Variants in PARP8 observed in about 807,000 individuals in gnomAD.
PARP8 encodes the protein protein mono-ADP-ribosyltransferase PARP8.
In PARP8, 51 loss-of-function variants were observed where a neutral mutation model predicts 124.1. The ratio of observed to expected loss-of-function variants is 0.41; its 90% CI spans 0.33 to 0.52. The LOEUF is 0.52. Ranked by LOEUF, PARP8 falls within the 20% of genes least tolerant of loss-of-function variation. PARP8 has a pLI of 0.21. For synonymous variants in PARP8, 391 were observed against 361.5 expected (o/e 1.08, Z -0.93); for missense variants, 860 against 1,018.9 (o/e 0.84, Z 2.12).
chr5:50,766,760 G>T (rs1761095123), intron 7 of PARP8, among the ~76,000 whole-genome samples: 1 of 152,072 alleles, frequency 6.6e-6, no homozygotes, highest in African/African-American at 2.4e-5. Context: ...GGCCTTTTGA[G>T]GGTAACGTTT....
intron 2 of PARP8, among the ~76,000 whole-genome samples, chr5:50,693,069 A>G (rs1483617184): frequency 6.6e-6 from 1 of 152,226 alleles, no homozygotes; most frequent in African/African-American, 2.4e-5. Flanking sequence ...TAAAATGATT[A>G]CCAAACTAAA....
At position 50,666,991 on chromosome 5, in the gene PARP8, G is replaced by C. The variant is rs1192319304; in HGVS notation, c.-105G>C. On this transcript the variant is annotated 5_prime_UTR_variant, in exon 1 of 26. Coordinates refer to ENST00000281631, the MANE Select transcript of PARP8 (RefSeq NM_024615.4). ...CACTTCGCCTTCAGCCCCTGCCTCG[G>C]CCAGAGGTTTCATTTTTAACTGAAT... 6.5e-7 allele frequency: 1 copy of C among 1,548,794 alleles called. No individual in the cohort carries two copies. Among genetic ancestry groups the C allele is most frequent in the Non-Finnish European group, 8.7e-7 (1 of 1,152,410 alleles).
chr5:50,824,492 A>G (rs1390719049), intron 17 of PARP8, among the ~76,000 whole-genome samples: 1 of 152,204 alleles, frequency 6.6e-6, no homozygotes, highest in Non-Finnish European at 1.5e-5. Context: ...TTATGTAAAA[A>G]TGGAAAGTTA....
intron 3 of PARP8, chr5:50,757,082 A>T (rs1760045833): frequency 9.1e-6 from 4 of 441,948 alleles, no homozygotes; most frequent in Non-Finnish European, 1.8e-5. Flanking sequence ...TCCATTGATG[A>T]ACACTTAGAA....
intron 14 of PARP8, among the ~76,000 whole-genome samples, chr5:50,806,374 T>C (rs1221399012): frequency 6.6e-6 from 1 of 152,044 alleles, no homozygotes; most frequent in African/African-American, 2.4e-5. Context: ...TGTGGTTTAA[T>C]TGTGGGCAAT....
At chr5:50,672,062 C>T (rs1157903089) in intron 2 of PARP8, among the ~76,000 whole-genome samples, 1 of 152,192 alleles carries the variant, frequency 6.6e-6, no homozygotes, top group Non-Finnish European at 1.5e-5. Flanking sequence ...TGAGCCTTTG[C>T]ACATGCTGCC....
chr5:50,741,772 T>C, intron 2 of PARP8: 1 of 420,236 alleles, frequency 2.4e-6, no homozygotes, highest in South Asian at 1.7e-5. Flanking sequence ...AATACGTAAT[T>C]TATTTCATAG....
At chr5:50,731,315 T>A (rs1428653625) in intron 2 of PARP8, among the ~76,000 whole-genome samples, 1 of 152,220 alleles carries the variant, frequency 6.6e-6, no homozygotes, top group African/African-American at 2.4e-5. Context: ...AATTTTGAAT[T>A]TCTTTTTTCA....
chr5:50,667,769 C>T (rs1749507930), intron 1 of PARP8: 1 of 770,620 alleles, frequency 1.3e-6, no homozygotes, highest in Non-Finnish European at 2.2e-6. Context: ...TTTTGCTCCC[C>T]CGGGATTTTG....
chr5:50,763,095 G>A, intron 6 of PARP8, 53 bp from the exon 7 acceptor site: 1 of 1,438,316 alleles, frequency 7.0e-7, no homozygotes, highest in Non-Finnish European at 9.8e-7. Context: ...GGTTGCTTAA[G>A]TTTTTGATTC....
chr5:50,694,095 G>C (rs571900826), intron 2 of PARP8, among the ~76,000 whole-genome samples: 9 of 152,046 alleles, frequency 5.9e-5, no homozygotes, highest in Non-Finnish European at 1.3e-4. Context: ...ACAACTATTT[G>C]TGAACATTTT....
intron 2 of PARP8, among the ~76,000 whole-genome samples, chr5:50,724,184 C>T (rs777877129): frequency 4.6e-5 from 7 of 151,982 alleles, no homozygotes; most frequent in Non-Finnish European, 1.0e-4. Flanking sequence ...CTTGAAAATA[C>T]GATTGTCTGT....
chr5:50,755,694 G>T (rs1246448977), intron 3 of PARP8, among the ~76,000 whole-genome samples: 1 of 152,192 alleles, frequency 6.6e-6, no homozygotes, highest in Non-Finnish European at 1.5e-5. Context: ...GAACTTTAAA[G>T]TAGTTTTTTC....
chr5:50,802,377 T>C (rs1477828487), intron 14 of PARP8, among the ~76,000 whole-genome samples: 1 of 152,204 alleles, frequency 6.6e-6, no homozygotes, highest in East Asian at 1.9e-4. Context: ...ACAGTGGTGC[T>C]GATCATAGCT....
rs1216488249 is a variant in PARP8 at position 50,795,361 on chromosome 5, A to G, written c.1372A>G (p.Thr458Ala). ...CGCAGAGGGCAGGAGGCTCTCTCTT[A>G]CCTCAGGGCTTATTGGTATCCTAAC... ...PNAEGRRLSLTSGLIGILTPS... is the reference protein window; with the variant it reads ...PNAEGRRLSLASGLIGILTPS... Residue 458 changes from threonine to alanine, a missense_variant, in exon 12 of 26, where the codon ACC becomes GCC. Physicochemically the swap from Thr to Ala is moderately conservative, Grantham distance 58. Transcript: ENST00000281631. 1 of 1,613,466 alleles carries G rather than the reference A, an allele frequency of 6.2e-7. No homozygotes were observed. The highest frequency in any genetic ancestry group is 8.5e-7 in the Non-Finnish European group (1 of 1,179,786).
chr5:50,713,889 G>A (rs886470614), intron 2 of PARP8, among the ~76,000 whole-genome samples: 2 of 151,842 alleles, frequency 1.3e-5, no homozygotes, highest in African/African-American at 4.8e-5. Flanking sequence ...AAGGAATGTG[G>A]GCAGATTCTA....
At chr5:50,741,587 T>C (rs1158261660) in intron 2 of PARP8, among the ~76,000 whole-genome samples, 1 of 152,190 alleles carries the variant, frequency 6.6e-6, no homozygotes, top group African/African-American at 2.4e-5. Context: ...ACTTGGCCAC[T>C]TCCCTAAAAA....
intron 2 of PARP8, among the ~76,000 whole-genome samples, chr5:50,679,505 T>C (rs141784035): frequency 0.015 from 2,248 of 152,312 alleles, 58 homozygotes; most frequent in African/African-American, 0.052. Context: ...AAATCCTGTT[T>C]CAGGGTGGGC....
intron 7 of PARP8, among the ~76,000 whole-genome samples, chr5:50,776,235 C>T (rs1167638823): frequency 6.6e-6 from 1 of 152,170 alleles, no homozygotes; most frequent in African/African-American, 2.4e-5. Flanking sequence ...AGGATGAATC[C>T]TACTTGCTCA....
Sources: gnomAD v4.1 joint callset for allele counts (sites outside exome capture counted in the v4.1 genomes callset) on GRCh38, gnomAD v4.1.1 for gene constraint, MANE v1.5 for transcripts, NCBI Gene and HGNC (gene_info 2026-07-23, HGNC 2026-07-21) for gene names.